The following KCNJ3 variants were observed in gnomAD, a reference collection of about 807,000 sequenced individuals.
The protein encoded by KCNJ3 is potassium inwardly rectifying channel subfamily J member 3.
In KCNJ3, 4 loss-of-function variants were observed where a neutral mutation model predicts 39.2. The observed-to-expected ratio is 0.10, with a 90% CI of 0.05 to 0.23. The LOEUF (loss-of-function observed/expected upper bound fraction) is 0.23, where lower values mean the gene tolerates loss of function less well. KCNJ3 is among the 10% of genes least tolerant of loss of function. The probability of loss-of-function intolerance (pLI) is 1.00; values close to 1 mark genes in which losing one functional copy is unlikely to be tolerated. For missense variants in KCNJ3, 276 were observed against 634.9 expected (o/e 0.43, Z 6.08); for synonymous variants, 230 against 237.4 (o/e 0.97, Z 0.29).
At chr2:154,784,100 G>A (rs764838771) in intron 2 of KCNJ3, among the ~76,000 whole-genome samples, 2 of 152,028 alleles carry the variant, frequency 1.3e-5, no homozygotes, top group Admixed American at 6.6e-5. Context: ...TTAATGATAC[G>A]TCAACAATTG....
At chr2:154,736,806 G>A (rs940568112) in intron 2 of KCNJ3, among the ~76,000 whole-genome samples, 5 of 152,184 alleles carry the variant, frequency 3.3e-5, no homozygotes, top group African/African-American at 1.2e-4. Flanking sequence ...GAAGTCCAGT[G>A]ATTCCTGAGA....
chr2:154,806,091 T>C (rs1686907120), intron 2 of KCNJ3, among the ~76,000 whole-genome samples: 1 of 152,146 alleles, frequency 6.6e-6, no homozygotes. Flanking sequence ...AGTACAATTA[T>C]CTCATTCAAA....
intron 2 of KCNJ3, among the ~76,000 whole-genome samples, chr2:154,815,574 A>C (rs1263780311): frequency 6.6e-6 from 1 of 152,224 alleles, no homozygotes; most frequent in Non-Finnish European, 1.5e-5. Context: ...TAATTAACCC[A>C]GTATAGAACT....
intron 2 of KCNJ3, among the ~76,000 whole-genome samples, chr2:154,790,212 C>T (rs1002921087): frequency 1.4e-4 from 22 of 152,008 alleles, no homozygotes; most frequent in African/African-American, 5.1e-4. Context: ...AAGCAGAGAA[C>T]TAGAAAGTTA....
chr2:154,720,929 T>C (rs1162025221), intron 2 of KCNJ3, among the ~76,000 whole-genome samples: 2 of 152,132 alleles, frequency 1.3e-5, no homozygotes, highest in East Asian at 3.9e-4. Context: ...AGGAAAATGA[T>C]GTAGCCTCTT....
chr2:154,810,465 T>C (rs1425327889), intron 2 of KCNJ3, among the ~76,000 whole-genome samples: 25 of 152,032 alleles, frequency 1.6e-4, no homozygotes, highest in Admixed American at 1.6e-3. Flanking sequence ...TCCTACTAGA[T>C]AAGATATCAT....
chr2:154,774,327 G>C (rs778306135), intron 2 of KCNJ3, among the ~76,000 whole-genome samples: 22 of 151,990 alleles, frequency 1.4e-4, no homozygotes, highest in Non-Finnish European at 3.1e-4. Context: ...TCCAAGACTA[G>C]TTTTACAGCA....
chr2:154,734,763 C>A (rs964791980), intron 2 of KCNJ3, among the ~76,000 whole-genome samples: 2 of 152,152 alleles, frequency 1.3e-5, no homozygotes, highest in Admixed American at 6.5e-5. Flanking sequence ...ATGAAAAAAA[C>A]ATTGAGAGTG....
chr2:154,853,899 T>C (rs1161336694), intron 2 of KCNJ3, among the ~76,000 whole-genome samples: 1 of 152,192 alleles, frequency 6.6e-6, no homozygotes, highest in Non-Finnish European at 1.5e-5. Flanking sequence ...TTCCAGATAT[T>C]CCTAGAGCAG....
At chr2:154,706,643 CTTT>C (rs889263849) in intron 1 of KCNJ3, among the ~76,000 whole-genome samples, 1 of 151,182 alleles carries the variant, frequency 6.6e-6, no homozygotes, top group Admixed American at 6.6e-5. Flanking sequence ...AACTCATAGG[CTTT>C]TTTTTTCCTC....
intron 2 of KCNJ3, among the ~76,000 whole-genome samples, chr2:154,805,838 T>A (rs561292874): frequency 6.6e-6 from 1 of 152,200 alleles, no homozygotes; most frequent in South Asian, 2.1e-4. Context: ...TTATATTTAG[T>A]GAGTTATAAC....
At chr2:154,848,396 G>A (rs1216932743) in intron 2 of KCNJ3, among the ~76,000 whole-genome samples, 1 of 151,868 alleles carries the variant, frequency 6.6e-6, no homozygotes, top group Non-Finnish European at 1.5e-5. Flanking sequence ...ACACTATTTG[G>A]CACATTATTA....
chr2:154,783,781 A>G (rs944200626), intron 2 of KCNJ3, among the ~76,000 whole-genome samples: 1 of 152,180 alleles, frequency 6.6e-6, no homozygotes, highest in Non-Finnish European at 1.5e-5. Flanking sequence ...TCTTCTCTAT[A>G]TAAGAAACTC....
intron 2 of KCNJ3, among the ~76,000 whole-genome samples, chr2:154,800,776 T>C (rs1046563076): frequency 1.3e-5 from 2 of 152,202 alleles, no homozygotes; most frequent in Admixed American, 6.5e-5. Flanking sequence ...ATTTAAACAA[T>C]ATTTGTCACT....
chr2:154,853,694 T>G (rs1687794175), intron 2 of KCNJ3, among the ~76,000 whole-genome samples: 1 of 152,124 alleles, frequency 6.6e-6, no homozygotes. Context: ...TGATATATGG[T>G]TTTAATTTAT....
chr2:154,742,089 AT>A (rs766687039), intron 2 of KCNJ3, among the ~76,000 whole-genome samples: 1 of 151,764 alleles, frequency 6.6e-6, no homozygotes, highest in Non-Finnish European at 1.5e-5. Context: ...TTCTATCCCT[AT>A]TATTTTAACT....
intron 2 of KCNJ3, among the ~76,000 whole-genome samples, chr2:154,816,024 G>T (rs906750641): frequency 6.6e-6 from 1 of 152,148 alleles, no homozygotes; most frequent in Admixed American, 6.6e-5. Context: ...TTGTTTGCTT[G>T]CTTACTTTTT....
intron 2 of KCNJ3, among the ~76,000 whole-genome samples, chr2:154,779,232 CACTT>C (rs1427995656): frequency 6.6e-6 from 1 of 151,698 alleles, no homozygotes; most frequent in East Asian, 1.9e-4. Context: ...GGTTTTGAGT[CACTT>C]ACCTCTAGCC....
intron 2 of KCNJ3, among the ~76,000 whole-genome samples, chr2:154,763,757 T>TAGCTGCTAG (rs1191242005): frequency 1.3e-5 from 2 of 152,236 alleles, no homozygotes; most frequent in Non-Finnish European, 2.9e-5. Flanking sequence ...TTCTAGCTTC[T>TAGCTGCTAG]AGCTGCTAGA....
Sources: gnomAD v4.1 joint callset for allele counts (sites outside exome capture counted in the v4.1 genomes callset) on GRCh38, gnomAD v4.1.1 for gene constraint, MANE v1.5 for transcripts, NCBI Gene and HGNC (gene_info 2026-07-23, HGNC 2026-07-21) for gene names.